The following MAT2B variants were observed in gnomAD, a reference collection of about 807,000 sequenced individuals.
MAT2B encodes the protein methionine adenosyltransferase 2 non-catalytic beta subunit.
In MAT2B, 16 loss-of-function variants were observed where a neutral mutation model predicts 36.1. That is an observed-to-expected ratio of 0.44 (90% confidence interval 0.30 to 0.67). MAT2B has a LOEUF of 0.67. MAT2B is among the 30% of genes least tolerant of loss of function. The probability of loss-of-function intolerance (pLI) is 0.09; values close to 1 mark genes in which losing one functional copy is unlikely to be tolerated. For missense variants in MAT2B, 332 were observed against 398.2 expected (o/e 0.83, Z 1.42); for synonymous variants, 148 against 136.9 (o/e 1.08, Z -0.57).
At chr5:163,515,912 T>C (rs1432313060) in intron 4 of MAT2B, among the ~76,000 whole-genome samples, 1 of 151,714 alleles carries the variant, frequency 6.6e-6, no homozygotes, top group African/African-American at 2.4e-5. Context: ...TTTTTTTACA[T>C]TTTGTAGAGA....
At position 163,512,045 on chromosome 5, in the gene MAT2B, C is replaced by T; in HGVS notation, c.107C>T (p.Ala36Val). 1.2e-6 allele frequency: 2 copies of T among 1,614,090 alleles called. No homozygotes were observed. Among genetic ancestry groups the T allele is most frequent in the Non-Finnish European group, 1.7e-6 (2 of 1,179,960 alleles). The change falls in exon 2 of 7, where the codon GCC becomes GTC. Residue 36 changes from alanine to valine, a missense_variant. By Grantham distance (64) the Ala-to-Val change is moderately conservative. Coordinates refer to ENST00000321757, the MANE Select transcript of MAT2B (RefSeq NM_013283.5). ...IPNRRVLVTG[A>V]TGLLGRAVHK... ...AATAGGAGGGTTCTGGTTACTGGTG[C>T]CACTGGGCTTCTTGGCAGAGCTGTA...
At chr5:163,505,515 G>A, upstream of MAT2B, 1 of 1,239,220 alleles carries the variant, frequency 8.1e-7, no homozygotes, top group Non-Finnish European at 1.0e-6. Flanking sequence ...TGGGGCGTCG[G>A]CGGAGCGTGG....
chr5:163,517,272 T>G (rs761815850), intron 5 of MAT2B: 1 of 221,304 alleles, frequency 4.5e-6, no homozygotes, highest in Admixed American at 5.1e-5. Flanking sequence ...TTGTACTGTT[T>G]TCATAAAAAT....
chr5:163,510,428 T>C (rs1267402227), intron 1 of MAT2B, among the ~76,000 whole-genome samples: 1 of 148,222 alleles, frequency 6.7e-6, no homozygotes, highest in Non-Finnish European at 1.5e-5. Flanking sequence ...GTAGTCTTGC[T>C]CTTGTTACCC....
chr5:163,514,364 G>A (rs1343529602), intron 4 of MAT2B, among the ~76,000 whole-genome samples: 1 of 152,024 alleles, frequency 6.6e-6, no homozygotes, highest in Non-Finnish European at 1.5e-5. Context: ...TTGTTTTTAT[G>A]TATTCTGTTA....
At chr5:163,505,474 G>C (rs1323826138), upstream of MAT2B, 11 of 1,204,646 alleles carry the variant, frequency 9.1e-6, no homozygotes, top group Admixed American at 3.4e-4. Context: ...CGCGTGGGCT[G>C]GGGGCAGACC....
intron 4 of MAT2B, among the ~76,000 whole-genome samples, chr5:163,515,833 A>G (rs7723095): frequency 0.49 from 65,001 of 131,422 alleles, 16,532 homozygotes; most frequent in African/African-American, 0.69. Context: ...GGAGTGCAGT[A>G]GGGTGAACAC....
chr5:163,518,206 C>A lies in MAT2B; in HGVS notation c.848C>A (p.Pro283His). ...CTTTCTTTAAAGATTACTGACAGCC[C>A]TGTCCTAGGAGCACAACGTCCGAGA... is the stretch of plus-strand genomic sequence containing the variant. ...SSHLRPITDS[P>H]VLGAQRPRNA... The change falls in exon 7 of 7, where the codon CCT (proline) becomes CAT (histidine). Residue 283 changes from proline to histidine, a missense_variant. Physicochemically the swap from Pro to His is moderately conservative, Grantham distance 77 (BLOSUM62 -2). Transcript: ENST00000321757. 1 of 1,599,942 alleles carries A rather than the reference C, an allele frequency of 6.3e-7. No individual in the cohort carries two copies. The highest frequency in any genetic ancestry group is 1.1e-5 in the South Asian group (1 of 87,688).
chr5:163,514,137 T>TA, intron 4 of MAT2B, 143 bp downstream of exon 4: 1 of 594,190 alleles, frequency 1.7e-6, no homozygotes, highest in Non-Finnish European at 2.6e-6. Flanking sequence ...ATAAAGAAAA[T>TA]AAAAAATTCT....
intron 1 of MAT2B, among the ~76,000 whole-genome samples, chr5:163,509,566 A>G (rs930663915): frequency 1.3e-5 from 2 of 152,204 alleles, no homozygotes; most frequent in Non-Finnish European, 1.5e-5. Flanking sequence ...CACGAGAACC[A>G]CTGACCTTAG....
At chr5:163,503,220 T>G (rs1759875876), upstream of MAT2B, 1 of 618,710 alleles carries the variant, frequency 1.6e-6, no homozygotes, top group Non-Finnish European at 3.0e-6. Context: ...TGTGGAGAAC[T>G]GCACGAGATT....
At chr5:163,510,351 G>A (rs1760017518) in intron 1 of MAT2B, among the ~76,000 whole-genome samples, 1 of 149,758 alleles carries the variant, frequency 6.7e-6, no homozygotes, top group Admixed American at 6.6e-5. Context: ...ACACAGATGA[G>A]CTTAAAATAT....
chr5:163,503,291 G>A (rs1759876920), upstream of MAT2B: 3 of 979,904 alleles, frequency 3.1e-6, no homozygotes, highest in East Asian at 7.3e-5. Flanking sequence ...TCACGTTTTG[G>A]CGTGCCTGCG....
intron 1 of MAT2B, among the ~76,000 whole-genome samples, chr5:163,508,486 C>G (rs1232109770): frequency 6.6e-6 from 1 of 152,180 alleles, no homozygotes; most frequent in Non-Finnish European, 1.5e-5. Flanking sequence ...GGTTGGTCCA[C>G]CTTGGCCTCC....
At chr5:163,503,624 G>GGC (rs568722832), upstream of MAT2B, among the ~76,000 whole-genome samples, 21 of 152,220 alleles carry the variant, frequency 1.4e-4, no homozygotes, top group South Asian at 4.1e-3. Context: ...GGTTATGAAG[G>GGC]GCTCAGCTAA....
chr5:163,516,483 T>C (rs1366923927), intron 4 of MAT2B, 35 bp from the exon 5 acceptor site: 1 of 1,556,000 alleles, frequency 6.4e-7, no homozygotes, highest in Non-Finnish European at 8.9e-7. Context: ...TAAGAATCAG[T>C]CAGCTTTAAA....
intron 5 of MAT2B, chr5:163,517,044 A>C (rs1196264360): frequency 2.4e-6 from 1 of 412,172 alleles, no homozygotes; most frequent in African/African-American, 2.0e-5. Flanking sequence ...TAATCCCAGC[A>C]CATTTGAAAA....
chr5:163,503,459 A>T (rs1759880224), upstream of MAT2B: 2 of 1,596,110 alleles, frequency 1.3e-6, no homozygotes, highest in African/African-American at 1.3e-5. Context: ...GAAGCATTCT[A>T]GAGTAAGAGA....
chr5:163,505,415 C>T (rs1399649478), upstream of MAT2B: 2 of 706,986 alleles, frequency 2.8e-6, no homozygotes, highest in African/African-American at 1.8e-5. Context: ...AACCTGAATT[C>T]ACTGCCTAAG....
Sources: gnomAD v4.1 joint callset for allele counts (sites outside exome capture counted in the v4.1 genomes callset) on GRCh38, gnomAD v4.1.1 for gene constraint, MANE v1.5 for transcripts, NCBI Gene and HGNC (gene_info 2026-07-23, HGNC 2026-07-21) for gene names.